ANO3: variants seen among roughly 807,000 people sequenced by gnomAD.
ANO3 encodes the protein anoctamin-3.
In ANO3, 99 loss-of-function variants were observed where a neutral mutation model predicts 144.8. The ratio of observed to expected loss-of-function variants is 0.68; its 90% CI spans 0.58 to 0.81. The LOEUF (loss-of-function observed/expected upper bound fraction) is 0.81. Ranked by LOEUF, ANO3 falls within the 30% of genes least tolerant of loss-of-function variation. The pLI is 0.00. For synonymous variants in ANO3, 414 were observed against 392.6 expected, an observed-to-expected ratio of 1.05 and a Z score of -0.64; for missense variants, 905 against 1,202.2, an observed-to-expected ratio of 0.75 and a Z score of 3.66.
At chr11:26,357,035 A>G (rs1855801988) in intron 1 of ANO3, among the ~76,000 whole-genome samples, 1 of 152,190 alleles carries the variant, frequency 6.6e-6, no homozygotes. Context: ...CTTTTGCTAT[A>G]TAAGGTTAAT....
chr11:26,264,876 T>C (rs920087938), intron 1 of ANO3, among the ~76,000 whole-genome samples: 1 of 151,950 alleles, frequency 6.6e-6, no homozygotes, highest in Non-Finnish European at 1.5e-5. Flanking sequence ...ATTTTTTTTT[T>C]CAAAAAATGT....
At chr11:26,361,001 C>T (rs779059634) in intron 1 of ANO3, among the ~76,000 whole-genome samples, 5 of 152,190 alleles carry the variant, frequency 3.3e-5, no homozygotes, top group South Asian at 2.1e-4. Context: ...TGTGTAAGTC[C>T]GTCACCTCTA....
chr11:26,210,387 C>T (rs547361165), intron 1 of ANO3, among the ~76,000 whole-genome samples: 1 of 152,102 alleles, frequency 6.6e-6, no homozygotes, highest in African/African-American at 2.4e-5. Flanking sequence ...GTTACTGTAG[C>T]CTTGTAGTAT....
chr11:26,434,116 T>G (rs1442688268), intron 1 of ANO3, among the ~76,000 whole-genome samples: 2 of 152,154 alleles, frequency 1.3e-5, no homozygotes, highest in African/African-American at 4.8e-5. Flanking sequence ...TGCAGGTCTG[T>G]TCAGGGAATC....
chr11:26,270,186 C>A (rs1853410117), intron 1 of ANO3, among the ~76,000 whole-genome samples: 1 of 152,250 alleles, frequency 6.6e-6, no homozygotes, highest in South Asian at 2.1e-4. Context: ...TGATTAGGAA[C>A]CCTGTTCTAG....
chr11:26,346,875 C>CA (rs568849568), intron 1 of ANO3, among the ~76,000 whole-genome samples: 48 of 152,010 alleles, frequency 3.2e-4, no homozygotes, highest in African/African-American at 1.1e-3. Context: ...CGGCTTTAGT[C>CA]AAAAAAAGTG....
At chr11:26,433,099 G>A (rs751144404) in intron 1 of ANO3, among the ~76,000 whole-genome samples, 13 of 152,096 alleles carry the variant, frequency 8.5e-5, no homozygotes, top group Admixed American at 6.6e-5. Flanking sequence ...AATTCTCGAT[G>A]TAGAGATCTT....
chr11:26,618,495 C>G (rs1315091532), intron 17 of ANO3, among the ~76,000 whole-genome samples: 1 of 152,138 alleles, frequency 6.6e-6, no homozygotes, highest in African/African-American at 2.4e-5. Flanking sequence ...CTTCCTATAT[C>G]CCTTTCACAG....
chr11:26,502,431 A>C (rs549335623), intron 4 of ANO3, among the ~76,000 whole-genome samples: 5 of 152,148 alleles, frequency 3.3e-5, no homozygotes, highest in Non-Finnish European at 7.4e-5. Flanking sequence ...TTAGATTCCA[A>C]GTATGTCTGA....
intron 1 of ANO3, among the ~76,000 whole-genome samples, chr11:26,272,803 A>T (rs1853471287): frequency 6.6e-6 from 1 of 152,176 alleles, no homozygotes. Flanking sequence ...TTAATAAGGA[A>T]GATAAACAAA....
chr11:26,205,488 A>T (rs1389822635), intron 1 of ANO3, among the ~76,000 whole-genome samples: 1 of 152,172 alleles, frequency 6.6e-6, no homozygotes, highest in Non-Finnish European at 1.5e-5. Flanking sequence ...GAAATGTTTG[A>T]TCAAGAAGCC....
chr11:26,489,743 T>C (rs549194711), intron 4 of ANO3, among the ~76,000 whole-genome samples: 1 of 152,340 alleles, frequency 6.6e-6, no homozygotes, highest in Non-Finnish European at 1.5e-5. Flanking sequence ...ATTTGACTGC[T>C]CCACTGGATT....
intron 4 of ANO3, among the ~76,000 whole-genome samples, chr11:26,504,028 G>A (rs950883638): frequency 3.9e-5 from 6 of 152,204 alleles, no homozygotes; most frequent in African/African-American, 1.2e-4. Flanking sequence ...TACCGCACTG[G>A]GAGAGTAGTA....
chr11:26,189,244 A>C lies in ANO3; in HGVS notation c.68A>C (p.Asn23Thr), dbSNP rs201009280. 2.5e-5 allele frequency: 25 copies of C among 985,076 alleles called. No individual in the cohort carries two copies. The East Asian group carries it at 2.5e-3, about 98-fold the overall frequency. The allele number at this position is 985,076 out of a possible 1,614,324, so 61.0% of individuals were successfully genotyped here. A position where few individuals can be genotyped will look rare whatever the true frequency, so the allele number is the denominator to read the frequency against. ...GGCTTCAGACATGAGCACGCTTCCA[A>C]CTCATGTTTTGCTTTACCCTGTTTG... The change falls in exon 1 of 28, where the codon AAC (asparagine) becomes ACC (threonine). Residue 23 changes from asparagine (N) to threonine (T), a missense_variant. Transcript: ENST00000672621.
rs890916204 is a variant in ANO3, at chr11:26,366,215, A to G, written c.46+33894A>G. 5.9e-5 allele frequency among the ~76,000 whole-genome samples: 9 copies of G among 151,922 alleles called. No individual in the cohort carries two copies. The South Asian group carries it at 6.3e-4, about 11-fold the overall frequency. ...TATGTCCAAGTGTTCTCATTGTTCA[A>G]TTCTCACCTATGAATGAGAACATGC... On this transcript the variant is annotated intron_variant, in intron 1 of 26. Transcript: ENST00000256737.
rs1853892636 is a variant in ANO3 at position 26,662,016 on chromosome 11, C to T, written c.*1572C>T. The T allele has an allele frequency of 6.6e-6, 1 of 152,028 alleles. No individual in the cohort carries two copies. Among genetic ancestry groups the T allele is most frequent in the African/African-American group, 2.4e-5 (1 of 41,412 alleles). The allele number at this position is 152,028 out of a possible 1,614,324, so 9.4% of individuals were successfully genotyped here. A position where few individuals can be genotyped will look rare whatever the true frequency, so the allele number is the denominator to read the frequency against. The stretch of plus-strand genomic sequence containing the variant: ...AACATATAAAAGACCAGATCAAACA[C>T]AATGGAAATAAAGCTACTACATATA... On this transcript the variant is annotated 3_prime_UTR_variant, in exon 27 of 27. Coordinates refer to ENST00000256737, the MANE Select transcript of ANO3 (RefSeq NM_031418.4).
intron 2 of ANO3, among the ~76,000 whole-genome samples, 196 bp downstream of exon 2, chr11:26,442,308 A>G (rs1364858236): frequency 6.6e-6 from 1 of 152,168 alleles, no homozygotes; most frequent in Non-Finnish European, 1.5e-5. Context: ...AAGGTGGCCA[A>G]TCCCATGGAG....
chr11:26,598,895 A>T lies in ANO3; in HGVS notation c.1568A>T (p.Lys523Met). Residue 523 changes from lysine to methionine, a missense_variant, in exon 16 of 27, where the codon AAG becomes ATG. Lys to Met is a moderately conservative substitution (Grantham distance 95). This residue lies in a region of ANO3 where 597 missense variants were observed against 865.1 expected (regional missense o/e 0.69). Transcript: ENST00000256737. The part of the protein sequence containing the change: ...LRPQFEAKYY[K>M]MEIVNPITGK... Reference sequence around the variant, plus strand: ...CCCCAGTTTGAAGCCAAGTATTACAAGATGGAGATTGTAAATCCCATCACG... The same window carrying T: ...CCCCAGTTTGAAGCCAAGTATTACATGATGGAGATTGTAAATCCCATCACG... 1 of 1,614,018 alleles carries T rather than the reference A, an allele frequency of 6.2e-7. No homozygotes were observed. Among genetic ancestry groups the T allele is most frequent in the Non-Finnish European group, 8.5e-7 (1 of 1,179,948 alleles).
intron 1 of ANO3, among the ~76,000 whole-genome samples, chr11:26,430,410 A>G (rs1194186647): frequency 6.6e-6 from 1 of 152,190 alleles, no homozygotes; most frequent in Non-Finnish European, 1.5e-5. Context: ...TTATTTGAAA[A>G]AAGAAAACAT....
Sources: gnomAD v4.1 joint callset for allele counts (sites outside exome capture counted in the v4.1 genomes callset) on GRCh38, gnomAD v4.1.1 for gene constraint, gnomAD v4.1.1 regional missense constraint, MANE v1.5 for transcripts, NCBI Gene and HGNC (gene_info 2026-07-23, HGNC 2026-07-21) for gene names.